P4HA2: variants seen among roughly 807,000 people sequenced by gnomAD.
P4HA2 encodes the protein prolyl 4-hydroxylase subunit alpha 2.
P4HA2 carries 46 observed loss-of-function variants against 76.9 expected under a neutral mutation model. The ratio of observed to expected loss-of-function variants is 0.60; its 90% CI spans 0.47 to 0.76. The LOEUF is 0.76. P4HA2 is among the 30% of genes least tolerant of loss of function. The pLI is 0.00. For synonymous variants in P4HA2, 243 were observed against 254.0 expected, an observed-to-expected ratio of 0.96 and a Z score of 0.41; for missense variants, 583 against 669.4, an observed-to-expected ratio of 0.87 and a Z score of 1.42.
intron 10 of P4HA2, chr5:132,202,752 A>C (rs1365838062): frequency 6.6e-6 from 1 of 152,278 alleles, no homozygotes; most frequent in Non-Finnish European, 1.5e-5. Context: ...ACATTTCTTC[A>C]AAATCACCTC....
intron 1 of P4HA2, among the ~76,000 whole-genome samples, chr5:132,219,598 C>T (rs1285318709): frequency 2.0e-5 from 3 of 152,214 alleles, no homozygotes; most frequent in African/African-American, 7.2e-5. Context: ...TAGCACCCAT[C>T]TGTACCCCAG....
chr5:132,209,240 T>C lies in P4HA2; in HGVS notation c.801A>G (p.Glu267=), dbSNP rs1473236066. ...EREKTLTNQT[E]AELATPEGIY... is the part of the protein sequence containing the mutation. ...TGCCTTCTGGGGTTGCTAGCTCAGC[T>C]TCTGTCTGATTTGTTAACGTTTTTT... The change falls in exon 7 of 15, where the codon GAA becomes GAG. Residue 267 remains glutamate, a synonymous_variant. Transcript: ENST00000360568. The C allele has an allele frequency of 6.2e-7, 1 of 1,614,052 alleles. No individual in the cohort carries two copies. The highest frequency in any genetic ancestry group is 1.7e-5 in the Admixed American group (1 of 60,020).
rs754333707 is a variant in P4HA2, at chr5:132,210,480, C to G, written c.513G>C (p.Gly171=). The G allele has an allele frequency of 6.2e-7, 1 of 1,614,056 alleles. No homozygotes were observed. Among genetic ancestry groups the G allele is most frequent in the African/African-American group, 1.3e-5 (1 of 75,024 alleles). The change falls in exon 6 of 15, where the codon GGG becomes GGC. Residue 171 remains glycine (G), a synonymous_variant. Transcript: ENST00000360568. ...CTTCATTGTAGGCCGAGCGGCCCAT[C>G]CCAAAGCAGTCATCCACACTCAGCA... ...QAMLSVDDCF[G]MGRSAYNEGD...
chr5:132,227,601 A>AACAGGGCGGAGGGT (rs1755572343), intron 1 of P4HA2, 189 bp downstream of exon 1: 2 of 152,614 alleles, frequency 1.3e-5, no homozygotes, highest in East Asian at 3.9e-4. Context: ...CGGGTGCAGA[A>AACAGGGCGGAGGGT]ACAGGGCGGA....
At chr5:132,208,016 AAAAG>A in intron 7 of P4HA2, 132 bp from the exon 8 acceptor site, 1 of 667,030 alleles carries the variant, frequency 1.5e-6, no homozygotes, top group Non-Finnish European at 2.5e-6. Flanking sequence ...AGAAGAAAAC[AAAAG>A]TCCCAGCAGG....
intron 12 of P4HA2, among the ~76,000 whole-genome samples, chr5:132,197,559 G>A (rs1299697042): frequency 7.6e-6 from 1 of 132,052 alleles, no homozygotes; most frequent in Admixed American, 9.0e-5. Flanking sequence ...AGTGAGCCGA[G>A]ATCCCACCAC....
intron 10 of P4HA2, chr5:132,201,717 T>C (rs1386660442): frequency 1.3e-5 from 2 of 152,150 alleles, no homozygotes; most frequent in Admixed American, 6.5e-5. Flanking sequence ...CCCCAGACAA[T>C]TGAGCTACAA....
At chr5:132,214,267 C>T (rs758502575) in intron 4 of P4HA2, among the ~76,000 whole-genome samples, 1 of 152,052 alleles carries the variant, frequency 6.6e-6, no homozygotes, top group Non-Finnish European at 1.5e-5. Context: ...TACCTACTGC[C>T]TGTGTTGCTC....
At chr5:132,214,104 T>A (rs766107662) in intron 4 of P4HA2, 51 bp from the exon 5 acceptor site, 1 of 1,591,018 alleles carries the variant, frequency 6.3e-7, no homozygotes, top group Admixed American at 1.7e-5. Flanking sequence ...AGGGGCAGAA[T>A]TCCACTTGGG....
intron 1 of P4HA2, among the ~76,000 whole-genome samples, chr5:132,220,093 A>C (rs1049891660): frequency 5.9e-5 from 9 of 152,334 alleles, no homozygotes; most frequent in Non-Finnish European, 7.3e-5. Context: ...TAAGGGGTCC[A>C]TTAGGGAGTT....
chr5:132,211,020 A>T (rs1753012466), intron 5 of P4HA2, among the ~76,000 whole-genome samples: 1 of 152,260 alleles, frequency 6.6e-6, no homozygotes, highest in South Asian at 2.1e-4. Flanking sequence ...TCCAGGGAGC[A>T]CCTACCCAGA....
chr5:132,217,114 C>G (rs1754013059), intron 4 of P4HA2, 83 bp downstream of exon 4: 1 of 1,382,850 alleles, frequency 7.2e-7, no homozygotes, highest in Non-Finnish European at 1.0e-6. Context: ...ACACCCAGAC[C>G]CAAGACAGGC....
In P4HA2 at chr5:132,207,749, C is replaced by G. The variant is rs1752388207; in HGVS notation, c.1039G>C (p.Asp347His). ...HIVRYYDVMS[D>H]EEIERIKEIA... is the part of the protein sequence containing the mutation. Reference sequence around the variant, plus strand: ...TCCTTGATCCTCTCGATTTCCTCATCAGACATGACATCGTAGTACCTGACG... The same window carrying G: ...TCCTTGATCCTCTCGATTTCCTCATGAGACATGACATCGTAGTACCTGACG... The change falls in exon 8 of 15, where the codon GAT becomes CAT. Residue 347 changes from aspartate to histidine, a missense_variant. Transcript: ENST00000360568. The G allele has an allele frequency of 2.5e-6, 4 of 1,614,036 alleles. No homozygotes were observed. Among genetic ancestry groups the G allele is most frequent in the Middle Eastern group, 3.3e-4 (2 of 6,062 alleles).
chr5:132,197,927 T>A (rs1248387013), intron 12 of P4HA2: 1 of 845,010 alleles, frequency 1.2e-6, no homozygotes, highest in African/African-American at 1.8e-5. Flanking sequence ...AAAAAATGGT[T>A]AAGATGGTAA....
At chr5:132,210,054 C>T (rs1372110304) in intron 6 of P4HA2, among the ~76,000 whole-genome samples, 1 of 152,208 alleles carries the variant, frequency 6.6e-6, no homozygotes, top group African/African-American at 2.4e-5. Context: ...ACAAGTGCCA[C>T]AGGCCTGAGC....
intron 7 of P4HA2, among the ~76,000 whole-genome samples, chr5:132,208,541 C>T (rs1434611653): frequency 6.6e-6 from 1 of 151,422 alleles, no homozygotes; most frequent in African/African-American, 2.4e-5. Flanking sequence ...CCAAAATCAC[C>T]TCACATCCTC....
At chr5:132,195,257 TC>T (rs1422003194) in intron 13 of P4HA2, 154 bp downstream of exon 13, 2 of 676,602 alleles carry the variant, frequency 3.0e-6, no homozygotes, top group Non-Finnish European at 5.3e-6. Flanking sequence ...TGTCCTTTCT[TC>T]ACAGGGAGAA....
At chr5:132,203,512 C>T in intron 10 of P4HA2, 1 of 525,150 alleles carries the variant, frequency 1.9e-6, no homozygotes, top group Non-Finnish European at 3.4e-6. Flanking sequence ...TGATCCCTAG[C>T]TTGCAGCACA....
Position 132,203,848 on chromosome 5 carries a change from C to A in P4HA2, c.1152-1G>T, listed in dbSNP as rs1054195174. 1.2e-6 allele frequency: 2 copies of A among 1,611,098 alleles called. No individual in the cohort carries two copies. Among genetic ancestry groups the A allele is most frequent in the African/African-American group, 2.7e-5 (2 of 74,890 alleles). The stretch of plus-strand genomic sequence containing the variant: ...GTCATCATCTTCCTCTAGCCAGGAG[C>A]TGGGCAAAAAGAAAAGGGCAGAGAA... On this transcript the variant is annotated splice_acceptor_variant, in intron 9 of 14. Coordinates refer to ENST00000360568, the MANE Select transcript of P4HA2 (RefSeq NM_001017974.2). LOFTEE classifies it high-confidence loss of function.
Sources: gnomAD v4.1 joint callset for allele counts (sites outside exome capture counted in the v4.1 genomes callset) on GRCh38, gnomAD v4.1.1 for gene constraint, MANE v1.5 for transcripts, NCBI Gene and HGNC (gene_info 2026-07-23, HGNC 2026-07-21) for gene names.